The following C1orf162 variants were observed in gnomAD, a reference collection of about 807,000 sequenced individuals.
C1orf162 encodes the protein chromosome 1 open reading frame 162.
Under a neutral mutation model 11.4 loss-of-function variants are expected in C1orf162, and 10 were observed. That is an observed-to-expected ratio of 0.88 (90% CI 0.54 to 1.48). The LOEUF is 1.48. C1orf162 is among the 40% of genes most tolerant of loss of function. The pLI is 0.00. For synonymous variants in C1orf162, 53 were observed against 55.0 expected (o/e 0.96, Z 0.16); for missense variants, 140 against 149.5 (o/e 0.94, Z 0.33).
At chr1:111,477,906 G>A (rs937801328) in intron 5 of C1orf162, 77 bp from the exon 6 acceptor site, 1 of 1,600,864 alleles carries the variant, frequency 6.2e-7, no homozygotes. Context: ...TTTGACCAAA[G>A]TGCTCAGGTT....
intron 2 of C1orf162, among the ~76,000 whole-genome samples, chr1:111,476,530 T>C (rs1219966185): frequency 1.3e-5 from 2 of 152,036 alleles, no homozygotes; most frequent in African/African-American, 2.4e-5. Flanking sequence ...TTAAAATCTT[T>C]GAGGAGAGCA....
intron 1 of C1orf162, 41 bp from the exon 2 acceptor site, chr1:111,475,977 C>T: frequency 6.4e-7 from 1 of 1,564,470 alleles, no homozygotes; most frequent in East Asian, 2.3e-5. Flanking sequence ...AGCCGGCTCT[C>T]CCTTCCAAGC....
chr1:111,475,357 G>T (rs1198817451), intron 1 of C1orf162: 1 of 151,832 alleles, frequency 6.6e-6, no homozygotes, highest in African/African-American at 2.4e-5. Context: ...GAGTTTGGGT[G>T]ATTTCACTTT....
chr1:111,477,600 G>GCCCC, intron 4 of C1orf162, 126 bp from the exon 5 acceptor site: 3 of 1,499,864 alleles, frequency 2.0e-6, no homozygotes, highest in Admixed American at 1.7e-5. Context: ...CTTCCGCCCT[G>GCCCC]CCCCCCACCC....
At chr1:111,474,676 G>C (rs993789147) in intron 1 of C1orf162, 1 of 152,220 alleles carries the variant, frequency 6.6e-6, no homozygotes. Context: ...GCTGCGGACT[G>C]TGGGCCTCCT....
At chr1:111,477,600 G>GGCC in intron 4 of C1orf162, 126 bp from the exon 5 acceptor site, 3 of 1,499,852 alleles carry the variant, frequency 2.0e-6, no homozygotes, top group Non-Finnish European at 1.8e-6. Flanking sequence ...CTTCCGCCCT[G>GGCC]CCCCCCACCC....
In C1orf162 at chr1:111,477,754, T is replaced by G. The variant is rs1469892137; in HGVS notation, c.231T>G (p.Pro77=). 3 of 1,614,056 alleles carry G rather than the reference T, an allele frequency of 1.9e-6. No homozygotes were observed. Among genetic ancestry groups the G allele is most frequent in the African/African-American group, 1.3e-5 (1 of 74,992 alleles). The change falls in exon 5 of 6, where the codon CCT becomes CCG. Residue 77 remains proline, a synonymous_variant. Transcript: ENST00000369718. ...KYHSKPQAPD[P]HSDPPAKLSS... The stretch of plus-strand genomic sequence containing the variant: ...ACTCCAAGCCCCAGGCCCCAGATCC[T>G]CACTCAGATCCTCCAGCCAAGGTAA...
Position 111,476,056 on chromosome 1 carries a change from C to G in C1orf162, c.28C>G (p.Pro10Ala), listed in dbSNP as rs780970939. Residue 10 changes from proline (P) to alanine (A), a missense_variant, in exon 2 of 6, where the codon CCC becomes GCC. Transcript: ENST00000369718. MGGNGSTCK[P>A]DTERQGTLST... Reference sequence around the variant, plus strand: ...GGGAGGCAATGGCTCCACATGTAAACCCGACACTGGTGAGTTTACGACAGG... The same window carrying G: ...GGGAGGCAATGGCTCCACATGTAAAGCCGACACTGGTGAGTTTACGACAGG... The G allele has an allele frequency of 6.2e-7, 1 of 1,613,092 alleles. No homozygotes were observed. Among genetic ancestry groups the G allele is most frequent in the East Asian group, 2.2e-5 (1 of 44,870 alleles).
chr1:111,477,977 C>T lies in C1orf162; in HGVS notation c.253-6C>T. 6.2e-7 allele frequency: 1 copy of T among 1,614,168 alleles called. No individual in the cohort carries two copies. Among genetic ancestry groups the T allele is most frequent in the Non-Finnish European group, 8.5e-7 (1 of 1,179,990 alleles). On this transcript the variant is annotated splice_region_variant and splice_polypyrimidine_tract_variant and intron_variant, in intron 5 of 5. Coordinates refer to ENST00000369718, the MANE Select transcript of C1orf162 (RefSeq NM_001300834.2). The stretch of plus-strand genomic sequence containing the variant: ...TCACTCATTCCTCCTTTTTCTCCCT[C>T]TGCAGCTTTCATCCATCCCAGGGGA...
At position 111,476,499 on chromosome 1, in the gene C1orf162, A is replaced by G. The variant is rs545156845; in HGVS notation, c.38-299A>G. Among the ~76,000 whole-genome samples the G allele has an allele frequency of 7.2e-5, 11 of 152,218 alleles. No individual in the cohort carries two copies. In the South Asian group the frequency reaches 8.3e-4, roughly 11 times the overall value. On this transcript the variant is annotated intron_variant, in intron 2 of 5. Transcript: ENST00000369718. ...ATGCTTTCCTTAGGCCAGAGGGAGCATATCTCTTCAGGAGTTCCTATTAAA... is the reference window on the plus strand; with the variant it reads ...ATGCTTTCCTTAGGCCAGAGGGAGCGTATCTCTTCAGGAGTTCCTATTAAA...
Position 111,476,022 on chromosome 1 carries a change from T to A in C1orf162, c.-7T>A. ...GATACCTTGTTTTATTCTCAGGGGA[T>A]GACAGCATGGGAGGCAATGGCTCCA... is the stretch of plus-strand genomic sequence containing the variant. On this transcript the variant is annotated 5_prime_UTR_variant, in exon 2 of 6. The change abolishes an upstream ATG in the 5' untranslated region. Transcript: ENST00000369718. The A allele has an allele frequency of 6.2e-7, 1 of 1,613,226 alleles. No individual in the cohort carries two copies. Among genetic ancestry groups the A allele is most frequent in the Non-Finnish European group, 8.5e-7 (1 of 1,179,170 alleles).
At position 111,478,021 on chromosome 1, in the gene C1orf162, C is replaced by T; in HGVS notation, c.291C>T (p.Ser97=). The T allele has an allele frequency of 6.2e-7, 1 of 1,614,124 alleles. No individual in the cohort carries two copies. Among genetic ancestry groups the T allele is most frequent in the Non-Finnish European group, 8.5e-7 (1 of 1,179,948 alleles). ...CAGGGGAATCACTTACCTATGCCAG[C>T]ACAACTTTCAAACTCTCAGAAGAAA... ...SIPGESLTYA[S]TTFKLSEEKS... is the part of the protein sequence containing the mutation. Residue 97 remains serine, a synonymous_variant, in exon 6 of 6, where the codon AGC becomes AGT. Coordinates refer to ENST00000369718, the MANE Select transcript of C1orf162 (RefSeq NM_001300834.2).
Position 111,476,872 on chromosome 1 carries a change from A to G in C1orf162, c.107+5A>G, listed in dbSNP as rs1654008862. ...CTGTCTCTCTAACCACCACAAGTAA[A>G]TGAGCATTCTCCTATCTGTTTCATC... On this transcript the variant is annotated splice_donor_5th_base_variant and intron_variant, in intron 3 of 5. Transcript: ENST00000369718. 1 of 1,612,564 alleles carries G rather than the reference A, an allele frequency of 6.2e-7. No homozygotes were observed. The highest frequency in any genetic ancestry group is 1.3e-5 in the African/African-American group (1 of 74,876).
At position 111,477,153 on chromosome 1, in the gene C1orf162, C is replaced by T. The variant is rs74109579; in HGVS notation, c.108-181C>T. On this transcript the variant is annotated intron_variant, in intron 3 of 5. Transcript: ENST00000369718. ...GGGGAGAGGAAGAGGCCACAGCTTC[C>T]TCTGAGGCCTCAAATGGATGTGAAA... 3,024 of 652,240 alleles carry T rather than the reference C, an allele frequency of 4.6e-3. 65 individuals carry two copies. The African/African-American group carries it at 0.049, about 11-fold the overall frequency. The allele number at this position is 652,240 out of a possible 1,614,324, so 40.4% of individuals were successfully genotyped here.
intron 1 of C1orf162, chr1:111,475,089 T>G (rs994882391): frequency 1.3e-5 from 2 of 152,036 alleles, no homozygotes; most frequent in Non-Finnish European, 2.9e-5. Flanking sequence ...TTGATTTAAA[T>G]AAAAATGGAA....
In C1orf162 at chr1:111,474,803, G is replaced by C. The variant is rs1219539492; in HGVS notation, c.-12+773G>C. ...GGTACTTGGTAATGTTGTTGTTGCTGCTATTGTAACAGGTACAGGGCGATG... is the reference window on the plus strand; with the variant it reads ...GGTACTTGGTAATGTTGTTGTTGCTCCTATTGTAACAGGTACAGGGCGATG... On this transcript the variant is annotated intron_variant, in intron 1 of 5. Coordinates refer to ENST00000369718, the MANE Select transcript of C1orf162 (RefSeq NM_001300834.2). The C allele has an allele frequency of 3.9e-5, 6 of 152,180 alleles. No individual in the cohort carries two copies. The South Asian group carries it at 1.0e-3, about 26-fold the overall frequency. The allele number at this position is 152,180 out of a possible 1,614,324, so 9.4% of individuals were successfully genotyped here.
rs368768523 is a variant in C1orf162 at position 111,478,080 on chromosome 1, A to T, written c.350A>T (p.Asp117Val). 2.5e-5 allele frequency: 41 copies of T among 1,614,104 alleles called. No individual in the cohort carries two copies. Among genetic ancestry groups the T allele is most frequent in the Non-Finnish European group, 3.4e-5 (40 of 1,180,044 alleles). The part of the protein sequence containing the change: ...SNHLAENHSA[D>V]FDPIVYAQIK... ...CACTTGGCTGAGAACCATTCTGCAG[A>T]CTTTGACCCCATTGTCTATGCTCAA... is the stretch of plus-strand genomic sequence containing the variant. The change falls in exon 6 of 6, where the codon GAC becomes GTC. Residue 117 changes from aspartate to valine, a missense_variant. Physicochemically the swap from Asp to Val is radical, Grantham distance 152. Coordinates refer to ENST00000369718, the MANE Select transcript of C1orf162 (RefSeq NM_001300834.2).
chr1:111,475,309 C>G (rs1240207566), intron 1 of C1orf162: 1 of 152,134 alleles, frequency 6.6e-6, no homozygotes, highest in Non-Finnish European at 1.5e-5. Flanking sequence ...GGAAGTCTGA[C>G]TAAAAGGAAA....
chr1:111,476,159 G>A, intron 2 of C1orf162, 94 bp downstream of exon 2: 2 of 1,222,396 alleles, frequency 1.6e-6, no homozygotes, highest in Middle Eastern at 1.9e-4. Flanking sequence ...GCACTAGCTA[G>A]TGCATTTCTG....
Sources: gnomAD v4.1 joint callset for allele counts (sites outside exome capture counted in the v4.1 genomes callset) on GRCh38, gnomAD v4.1.1 for gene constraint, MANE v1.5 for transcripts, NCBI Gene and HGNC (gene_info 2026-07-23, HGNC 2026-07-21) for gene names.